The following FKTN variants were observed in gnomAD, a reference collection of about 807,000 sequenced individuals.
FKTN encodes the protein ribitol-5-phosphate transferase FKTN.
In FKTN, 47 loss-of-function variants were observed where a neutral mutation model predicts 58.6. That is an observed-to-expected ratio of 0.80 (90% CI 0.63 to 1.02). FKTN has a LOEUF of 1.02. Among genes scored for constraint, FKTN ranks in the 50% least tolerant of loss-of-function variants. FKTN has a pLI of 0.00. For missense variants in FKTN, 516 were observed against 537.3 expected, an observed-to-expected ratio of 0.96 and a Z score of 0.39; for synonymous variants, 178 against 191.9, an observed-to-expected ratio of 0.93 and a Z score of 0.60.
intron 6 of FKTN, 102 bp from the exon 7 acceptor site, chr9:105,607,717 T>C: frequency 3.9e-6 from 4 of 1,016,650 alleles, no homozygotes; most frequent in Non-Finnish European, 6.2e-6. Context: ...TATCAACCTG[T>C]TATCTAGGTT....
intron 10 of FKTN, among the ~76,000 whole-genome samples, chr9:105,633,920 C>G (rs1833778148): frequency 6.6e-6 from 1 of 152,062 alleles, no homozygotes; most frequent in South Asian, 2.1e-4. Flanking sequence ...TTTTAAATTC[C>G]TGTAATCTCT....
At chr9:105,604,590 T>C (rs1828525708) in intron 6 of FKTN, 98 bp downstream of exon 6, 2 of 931,460 alleles carry the variant, frequency 2.1e-6, no homozygotes, top group Non-Finnish European at 3.4e-6. Context: ...TAATATATAA[T>C]TTATATAAGT....
rs869190356 is a variant in FKTN at position 105,575,752 on chromosome 9, GA to G, written c.105+623del. On this transcript the variant is annotated intron_variant, in intron 3 of 10. Coordinates refer to ENST00000357998, the MANE Select transcript of FKTN (RefSeq NM_001079802.2). ...TAGTCCTAAAAACAATCATGGGGAA[GA>G]AAAAAAATTTTTTTTGTTTTTATGT... is the stretch of plus-strand genomic sequence containing the variant. 3.9e-5 allele frequency among the ~76,000 whole-genome samples: 6 copies of G among 151,990 alleles called. No individual in the cohort carries two copies. In the East Asian group the frequency reaches 9.6e-4, roughly 24 times the overall value.
intron 4 of FKTN, chr9:105,598,701 G>A (rs571182915): frequency 6.6e-6 from 1 of 152,160 alleles, no homozygotes; most frequent in East Asian, 1.9e-4. Flanking sequence ...GTGTTTAGAA[G>A]GTGAGTTATA....
At chr9:105,588,791 T>C (rs1315835879) in intron 3 of FKTN, among the ~76,000 whole-genome samples, 3 of 152,246 alleles carry the variant, frequency 2.0e-5, no homozygotes, top group Non-Finnish European at 2.9e-5. Context: ...CTGTTTGCTC[T>C]CCAAATTCTC....
chr9:105,602,543 G>C (rs1269791913), intron 5 of FKTN, among the ~76,000 whole-genome samples: 1 of 152,094 alleles, frequency 6.6e-6, no homozygotes, highest in African/African-American at 2.4e-5. Flanking sequence ...GTTTGTTTGT[G>C]TTGGGTTTTT....
intron 10 of FKTN, among the ~76,000 whole-genome samples, chr9:105,622,470 G>T (rs1318630288): frequency 1.3e-5 from 2 of 151,740 alleles, no homozygotes; most frequent in Admixed American, 1.3e-4. Flanking sequence ...AAGCTTCCAG[G>T]ATATCTGCTA....
rs189338677 is a variant in FKTN, at chr9:105,628,662, C to T, written c.1173-6389C>T. Among the ~76,000 whole-genome samples, 59 of 152,180 alleles carry T rather than the reference C, an allele frequency of 3.9e-4. No individual in the cohort carries two copies. In the Middle Eastern group the frequency reaches 0.014, roughly 35 times the overall value. ...CATACTAGCAAGAAATGGAAGCAAC[C>T]CAAATGCCCATCTTCTGGTGACTAG... On this transcript the variant is annotated intron_variant, in intron 10 of 10. Transcript: ENST00000357998.
intron 6 of FKTN, among the ~76,000 whole-genome samples, chr9:105,606,840 C>A (rs1161144276): frequency 6.6e-6 from 1 of 151,524 alleles, no homozygotes. Flanking sequence ...CGGAACTTTT[C>A]TGAACCAAGC....
chr9:105,595,762 G>A (rs1826669338), intron 3 of FKTN, among the ~76,000 whole-genome samples: 1 of 152,120 alleles, frequency 6.6e-6, no homozygotes, highest in African/African-American at 2.4e-5. Context: ...GGGGAAATGA[G>A]GTTTAGGAAC....
intron 3 of FKTN, among the ~76,000 whole-genome samples, chr9:105,581,579 A>G (rs1460002987): frequency 6.6e-6 from 1 of 151,948 alleles, no homozygotes; most frequent in African/African-American, 2.4e-5. Flanking sequence ...AAGCTGTCAG[A>G]CAGGGACATT....
At chr9:105,561,364 A>T (rs1838273001) in intron 1 of FKTN, among the ~76,000 whole-genome samples, 1 of 152,216 alleles carries the variant, frequency 6.6e-6, no homozygotes, top group African/African-American at 2.4e-5. Context: ...TTGTCATTTC[A>T]TTTAGGATGA....
chr9:105,561,483 C>T (rs956404386), intron 1 of FKTN, among the ~76,000 whole-genome samples: 4 of 152,170 alleles, frequency 2.6e-5, no homozygotes, highest in African/African-American at 9.7e-5. Flanking sequence ...ACCTACACTC[C>T]TCCCAACCCA....
chr9:105,571,016 C>A (rs759550310), intron 1 of FKTN, among the ~76,000 whole-genome samples: 1 of 152,122 alleles, frequency 6.6e-6, no homozygotes, highest in African/African-American at 2.4e-5. Context: ...TGTATTCAGT[C>A]AGATTGTGAA....
In FKTN at chr9:105,638,475, C is replaced by T; in HGVS notation, c.*3211C>T. ...CCTTTGGTACCTAATTCTCTAAGCT[C>T]AAGATGCATCCCATTGCCACTTTAC... On this transcript the variant is annotated 3_prime_UTR_variant, in exon 11 of 11. Transcript: ENST00000357998. 2.0e-6 allele frequency: 2 copies of T among 985,418 alleles called. No homozygotes were observed. The highest frequency in any genetic ancestry group is 3.5e-5 in the African/African-American group (2 of 57,362). The allele number at this position is 985,418 out of a possible 1,614,324, so 61.0% of individuals were successfully genotyped here. A position where few individuals can be genotyped will look rare whatever the true frequency, so the allele number is the denominator to read the frequency against.
intron 3 of FKTN, among the ~76,000 whole-genome samples, chr9:105,579,304 G>C (rs1842395907): frequency 6.6e-6 from 1 of 152,042 alleles, no homozygotes; most frequent in Admixed American, 6.6e-5. Context: ...TGGGCATTTA[G>C]TGCTATAAAT....
At chr9:105,604,543 A>G in intron 6 of FKTN, 51 bp downstream of exon 6, 1 of 1,431,302 alleles carries the variant, frequency 7.0e-7, no homozygotes, top group Non-Finnish European at 9.9e-7. Context: ...GTTCAGTCAT[A>G]ATTCTTGCAG....
At chr9:105,583,859 A>G (rs1012573248) in intron 3 of FKTN, among the ~76,000 whole-genome samples, 1 of 152,248 alleles carries the variant, frequency 6.6e-6, no homozygotes. Flanking sequence ...ATGAGGTATG[A>G]ATTAGACATC....
intron 3 of FKTN, among the ~76,000 whole-genome samples, chr9:105,581,110 G>C (rs1842793964): frequency 1.3e-5 from 2 of 149,260 alleles, no homozygotes; most frequent in South Asian, 4.2e-4. Flanking sequence ...CCTTTGGTTT[G>C]AATGTCCTCC....
Sources: allele counts gnomAD v4.1 joint callset (sites outside exome capture counted in the v4.1 genomes callset), GRCh38; gene constraint gnomAD v4.1.1; transcripts MANE v1.5; gene names NCBI Gene and HGNC (gene_info 2026-07-23, HGNC 2026-07-21).